MACROD2: variants seen among roughly 807,000 people sequenced by gnomAD.
MACROD2 encodes ADP-ribose glycohydrolase MACROD2.
MACROD2 carries 36 observed loss-of-function variants against 70.4 expected under a neutral mutation model. That is an observed-to-expected ratio of 0.51 (90% CI 0.39 to 0.68). The LOEUF is 0.68. MACROD2 is among the 30% of genes least tolerant of loss of function. The pLI is 0.00. For missense variants in MACROD2, 496 were observed against 538.4 expected (o/e 0.92, Z 0.78); for synonymous variants, 172 against 178.8 (o/e 0.96, Z 0.30).
At chr20:14,866,802 C>G (rs560214729) in intron 5 of MACROD2, among the ~76,000 whole-genome samples, 1 of 151,780 alleles carries the variant, frequency 6.6e-6, no homozygotes, top group East Asian at 1.9e-4. Context: ...AGTGTTTATC[C>G]GGGGAGTAAG....
rs11471295 is a variant in MACROD2 at position 15,591,586 on chromosome 20, T to TAA, written c.645+91768_645+91769dup. Among the ~76,000 whole-genome samples, 56 of 65,136 alleles carry TAA rather than the reference T, an allele frequency of 8.6e-4. 2 individuals are homozygous for TAA. Among genetic ancestry groups the TAA allele is most frequent in the African/African-American group, 3.2e-3 (45 of 14,034 alleles). 42.7% of individuals were successfully genotyped at this position (65,136 alleles called of 152,430 possible). A position where few individuals can be genotyped will look rare whatever the true frequency, so the allele number is the denominator to read the frequency against. ...TCCTAGTTCTGAGGAAAGCCAGTACTAAAAAAAAAAAAAAAAAAAAAAAAA... is the reference window on the plus strand; with the variant it reads ...TCCTAGTTCTGAGGAAAGCCAGTACTAAAAAAAAAAAAAAAAAAAAAAAAAAA... On this transcript the variant is annotated intron_variant, in intron 8 of 17. Coordinates refer to ENST00000684519, the MANE Select transcript of MACROD2 (RefSeq NM_001351661.2).
chr20:14,283,381 A>G (rs1298977421), intron 3 of MACROD2, among the ~76,000 whole-genome samples: 1 of 152,028 alleles, frequency 6.6e-6, no homozygotes, highest in African/African-American at 2.4e-5. Flanking sequence ...CTTAAGAACA[A>G]TTTTTTTCAA....
chr20:15,188,529 T>C (rs1423162240), intron 5 of MACROD2, among the ~76,000 whole-genome samples: 1 of 152,194 alleles, frequency 6.6e-6, no homozygotes, highest in Non-Finnish European at 1.5e-5. Context: ...TTCAGCACTG[T>C]TCATTTTGTG....
intron 3 of MACROD2, among the ~76,000 whole-genome samples, chr20:14,289,156 A>C (rs906474189): frequency 6.6e-6 from 1 of 152,154 alleles, no homozygotes; most frequent in African/African-American, 2.4e-5. Context: ...GGGGGACTCT[A>C]TTCAGTACAG....
chr20:15,277,681 T>C (rs1404153166), intron 6 of MACROD2, among the ~76,000 whole-genome samples: 2 of 152,200 alleles, frequency 1.3e-5, no homozygotes, highest in African/African-American at 2.4e-5. Flanking sequence ...GACAATCAGA[T>C]GAGAAGCAGT....
chr20:14,016,705 C>T (rs904440441), intron 2 of MACROD2, among the ~76,000 whole-genome samples: 1 of 152,028 alleles, frequency 6.6e-6, no homozygotes, highest in Non-Finnish European at 1.5e-5. Flanking sequence ...TTGAAAAAAA[C>T]ATTCTATTGA....
intron 4 of MACROD2, among the ~76,000 whole-genome samples, chr20:14,643,923 C>G (rs1985231033): frequency 6.6e-6 from 1 of 151,886 alleles, no homozygotes; most frequent in Non-Finnish European, 1.5e-5. Context: ...TTTAAAAAAC[C>G]CAAAACTTCC....
At chr20:14,379,115 A>G (rs183857834) in intron 3 of MACROD2, among the ~76,000 whole-genome samples, 65 of 152,200 alleles carry the variant, frequency 4.3e-4, no homozygotes, top group Non-Finnish European at 8.8e-4. Flanking sequence ...TTGAATCTTC[A>G]TAACAACCCT....
At chr20:15,497,149 C>G (rs1168822566) in intron 7 of MACROD2, among the ~76,000 whole-genome samples, 1 of 152,114 alleles carries the variant, frequency 6.6e-6, no homozygotes, top group Non-Finnish European at 1.5e-5. Context: ...TAGGTAGGAG[C>G]ATGTATTGCA....
At chr20:14,009,987 G>T (rs895501429) in intron 2 of MACROD2, among the ~76,000 whole-genome samples, 5 of 152,110 alleles carry the variant, frequency 3.3e-5, no homozygotes, top group South Asian at 4.2e-4. Flanking sequence ...AGGATGGGAG[G>T]AGTGAGAGCA....
intron 5 of MACROD2, among the ~76,000 whole-genome samples, chr20:14,935,678 C>T (rs1358337273): frequency 2.0e-5 from 3 of 152,118 alleles, no homozygotes; most frequent in African/African-American, 7.2e-5. Flanking sequence ...TCACCTCTTC[C>T]TGGGTGGCCA....
chr20:15,583,784 C>T (rs1168561760), intron 8 of MACROD2, among the ~76,000 whole-genome samples: 1 of 152,202 alleles, frequency 6.6e-6, no homozygotes, highest in Admixed American at 6.5e-5. Flanking sequence ...GGTGAGATTA[C>T]AGGTGTGTGC....
At chr20:15,255,354 CTT>C (rs1233252078) in intron 6 of MACROD2, among the ~76,000 whole-genome samples, 1 of 152,136 alleles carries the variant, frequency 6.6e-6, no homozygotes, top group Non-Finnish European at 1.5e-5. Context: ...TGCCACTTCT[CTT>C]TGCCTATTTG....
chr20:14,302,810 G>T (rs981850272), intron 3 of MACROD2, among the ~76,000 whole-genome samples: 1 of 151,848 alleles, frequency 6.6e-6, no homozygotes, highest in Non-Finnish European at 1.5e-5. Flanking sequence ...GCGCCACCAT[G>T]CCTGGTTAAT....
chr20:14,743,364 G>A (rs78533729), intron 5 of MACROD2, among the ~76,000 whole-genome samples: 1,544 of 151,980 alleles, frequency 0.01, 16 homozygotes, highest in African/African-American at 0.034. Context: ...ATTTGGGTGC[G>A]CCCAGTCTAA....
At chr20:15,894,423 C>T (rs148216096) in intron 10 of MACROD2, among the ~76,000 whole-genome samples, 23 of 152,268 alleles carry the variant, frequency 1.5e-4, no homozygotes, top group South Asian at 4.1e-4. Context: ...CCCTCACAGG[C>T]GAGTGCAGGT....
At chr20:15,267,426 G>A (rs1250022508) in intron 6 of MACROD2, among the ~76,000 whole-genome samples, 1 of 152,120 alleles carries the variant, frequency 6.6e-6, no homozygotes, top group African/African-American at 2.4e-5. Flanking sequence ...CTACCTTTGT[G>A]TCCCCAGAGC....
chr20:15,458,824 G>A (rs1034877521), intron 7 of MACROD2, among the ~76,000 whole-genome samples: 1 of 152,032 alleles, frequency 6.6e-6, no homozygotes, highest in Non-Finnish European at 1.5e-5. Context: ...GAGGAGGACA[G>A]CATTGGGCAA....
At chr20:15,295,595 TCACACACACACACA>T (rs3223712) in intron 6 of MACROD2, among the ~76,000 whole-genome samples, 8 of 147,938 alleles carry the variant, frequency 5.4e-5, no homozygotes, top group Admixed American at 1.4e-4. Context: ...ATGTCTGTCA[TCACACACACACACA>T]CACACACACA....
Sources: allele counts gnomAD v4.1 joint callset (sites outside exome capture counted in the v4.1 genomes callset), GRCh38; gene constraint gnomAD v4.1.1; transcripts MANE v1.5; gene names NCBI Gene and HGNC (gene_info 2026-07-23, HGNC 2026-07-21).